GDA: variants seen among roughly 807,000 people sequenced by gnomAD.
The protein encoded by GDA is cytoplasmic PSD-95 interactor.
In GDA, 18 loss-of-function variants were observed where a neutral mutation model predicts 59.6. The observed-to-expected ratio is 0.30, with a 90% CI of 0.21 to 0.45. GDA has a LOEUF of 0.45. Ranked by LOEUF, GDA falls within the 20% of genes least tolerant of loss-of-function variation. GDA has a pLI of 1.00. For synonymous variants in GDA, 201 were observed against 201.1 expected (o/e 1.00, Z 0.00); for missense variants, 427 against 552.3 (o/e 0.77, Z 2.27).
chr9:72,149,090 C>A (rs1420651457), upstream of GDA, among the ~76,000 whole-genome samples: 1 of 152,192 alleles, frequency 6.6e-6, no homozygotes, highest in Non-Finnish European at 1.5e-5. Flanking sequence ...ATAAGGTAGG[C>A]AGCCCCAGCT....
chr9:72,228,813 G>A (rs41287397), intron 9 of GDA: 9,374 of 152,372 alleles, frequency 0.062, 420 homozygotes, highest in Non-Finnish European at 0.091. Flanking sequence ...GTTTGAACCC[G>A]GGAGGCGGAG....
At chr9:72,140,075 A>G (rs1311161785) in intron 1 of GDA, among the ~76,000 whole-genome samples, 1 of 152,020 alleles carries the variant, frequency 6.6e-6, no homozygotes, top group African/African-American at 2.4e-5. Context: ...GTACTTCCTC[A>G]CCTACCTGCT....
downstream of GDA, among the ~76,000 whole-genome samples, chr9:72,255,694 T>C (rs189977245): frequency 4.6e-5 from 7 of 152,344 alleles, no homozygotes; most frequent in East Asian, 1.3e-3. Flanking sequence ...AAACGTGTCC[T>C]GGCATAATGC....
intron 10 of GDA, among the ~76,000 whole-genome samples, chr9:72,238,940 T>C (rs1316316577): frequency 1.3e-5 from 2 of 152,210 alleles, no homozygotes; most frequent in Non-Finnish European, 2.9e-5. Context: ...AAGTAACTGA[T>C]CAAAGGTCCG....
At position 72,248,826 on chromosome 9, in the gene GDA, A is replaced by G; in HGVS notation, c.*484A>G. 3.0e-6 allele frequency: 3 copies of G among 988,748 alleles called. No homozygotes were observed. The highest frequency in any genetic ancestry group is 3.6e-6 in the Non-Finnish European group (3 of 830,764). 61.2% of individuals were successfully genotyped at this position (988,748 alleles called of 1,614,324 possible). A position where few individuals can be genotyped will look rare whatever the true frequency, so the allele number is the denominator to read the frequency against. On this transcript the variant is annotated 3_prime_UTR_variant, in exon 14 of 14. Transcript: ENST00000358399. ...AAAATCACTTCAGATTGTGTTTGAAAATTATATACTGAGCATACTAATTTA... is the reference window on the plus strand; with the variant it reads ...AAAATCACTTCAGATTGTGTTTGAAGATTATATACTGAGCATACTAATTTA...
intron 1 of GDA, among the ~76,000 whole-genome samples, chr9:72,190,818 TA>T (rs10548640): frequency 0.93 from 140,477 of 151,526 alleles, 65,990 homozygotes; most frequent in Non-Finnish European, 1. Context: ...ATAAGAAAAT[TA>T]AAAAAAAAAA....
intron 1 of GDA, among the ~76,000 whole-genome samples, chr9:72,191,557 C>T (rs891621780): frequency 6.6e-6 from 1 of 151,436 alleles, no homozygotes; most frequent in Non-Finnish European, 1.5e-5. Flanking sequence ...CTGCAAGCTC[C>T]GCCTCCCGGG....
intron 1 of GDA, among the ~76,000 whole-genome samples, chr9:72,121,750 C>T (rs916726719): frequency 6.6e-6 from 1 of 152,180 alleles, no homozygotes; most frequent in Non-Finnish European, 1.5e-5. Context: ...CTCCACTGTA[C>T]TTTGCACATC....
chr9:72,133,655 C>T (rs887138634), intron 1 of GDA, among the ~76,000 whole-genome samples: 9 of 152,316 alleles, frequency 5.9e-5, no homozygotes, highest in African/African-American at 2.2e-4. Context: ...TAGATGTTCA[C>T]TCTGGTTACA....
chr9:72,217,308 C>T (rs1451658426), intron 5 of GDA, among the ~76,000 whole-genome samples: 2 of 152,116 alleles, frequency 1.3e-5, no homozygotes, highest in African/African-American at 2.4e-5. Flanking sequence ...TTTGCAGAGA[C>T]TCCAGCTCTC....
chr9:72,201,319 G>A (rs1833980149), intron 2 of GDA, among the ~76,000 whole-genome samples: 1 of 152,008 alleles, frequency 6.6e-6, no homozygotes, highest in Non-Finnish European at 1.5e-5. Flanking sequence ...CAGATGAGAT[G>A]ATGTATGTAG....
chr9:72,122,764 G>A (rs1825707057), intron 1 of GDA, among the ~76,000 whole-genome samples: 1 of 151,940 alleles, frequency 6.6e-6, no homozygotes, highest in Non-Finnish European at 1.5e-5. Flanking sequence ...AATGGAATCA[G>A]GTGCCTCCCC....
At chr9:72,207,881 A>G (rs1834907821) in intron 3 of GDA, among the ~76,000 whole-genome samples, 1 of 152,108 alleles carries the variant, frequency 6.6e-6, no homozygotes, top group African/African-American at 2.4e-5. Flanking sequence ...GTCTGAGGGC[A>G]AGAGGATCAC....
chr9:72,256,240 G>A (rs1039519464), downstream of GDA, among the ~76,000 whole-genome samples: 3 of 152,142 alleles, frequency 2.0e-5, no homozygotes, highest in African/African-American at 7.2e-5. Context: ...GGCCTATTAA[G>A]TCATATTTAA....
chr9:72,149,450 C>G lies in GDA; in HGVS notation c.-110C>G. On this transcript the variant is annotated 5_prime_UTR_variant, in exon 1 of 14. Transcript: ENST00000358399. ...CGGGTAAGCGGGGGCAGGACAAGGCCGGAGCCTGTGTCCGCCCGGCAGCCG... is the reference window on the plus strand; with the variant it reads ...CGGGTAAGCGGGGGCAGGACAAGGCGGGAGCCTGTGTCCGCCCGGCAGCCG... 1 of 1,349,494 alleles carries G rather than the reference C, an allele frequency of 7.4e-7. No individual in the cohort carries two copies. Among genetic ancestry groups the G allele is most frequent in the Non-Finnish European group, 1.0e-6 (1 of 994,944 alleles). The allele number at this position is 1,349,494 out of a possible 1,614,324, so 83.6% of individuals were successfully genotyped here.
At chr9:72,217,778 A>G (rs529422721) in intron 5 of GDA, among the ~76,000 whole-genome samples, 7 of 152,278 alleles carry the variant, frequency 4.6e-5, no homozygotes, top group South Asian at 2.1e-4. Context: ...AATTTTCATT[A>G]TGTTCTTTTT....
chr9:72,211,640 T>A (rs2131439840), intron 4 of GDA, among the ~76,000 whole-genome samples: 1 of 152,286 alleles, frequency 6.6e-6, no homozygotes, highest in East Asian at 1.9e-4. Flanking sequence ...CTACGACATC[T>A]GGGAAGGCTT....
chr9:72,156,708 A>T (rs1394182717), intron 1 of GDA, among the ~76,000 whole-genome samples: 1 of 152,228 alleles, frequency 6.6e-6, no homozygotes, highest in Admixed American at 6.5e-5. Context: ...TGGATACATC[A>T]TGGTGTAAGC....
At chr9:72,213,390 G>A (rs1462822564) in intron 4 of GDA, among the ~76,000 whole-genome samples, 7 of 152,200 alleles carry the variant, frequency 4.6e-5, no homozygotes, top group Non-Finnish European at 1.0e-4. Flanking sequence ...ACTGAATATA[G>A]TAGGGAATTT....
Sources: allele counts gnomAD v4.1 joint callset (sites outside exome capture counted in the v4.1 genomes callset), GRCh38; gene constraint gnomAD v4.1.1; transcripts MANE v1.5; gene names NCBI Gene and HGNC (gene_info 2026-07-23, HGNC 2026-07-21).